The following TMPRSS9 variants were observed in gnomAD, a reference collection of about 807,000 sequenced individuals.
The protein encoded by TMPRSS9 is transmembrane serine protease 9, also known as transmembrane protease serine 9.
In TMPRSS9, 113 loss-of-function variants were observed where a neutral mutation model predicts 111.4. The observed-to-expected ratio is 1.01, with a 90% confidence interval of 0.87 to 1.19. The LOEUF (loss-of-function observed/expected upper bound fraction) is 1.19, where lower values mean the gene tolerates loss of function less well. TMPRSS9 is among the 50% of genes most tolerant of loss of function. The pLI is 0.00. For synonymous variants in TMPRSS9, 805 were observed against 659.1 expected (o/e 1.22, Z -3.39); for missense variants, 1,803 against 1,513.1 (o/e 1.19, Z -3.18).
chr19:2,405,192 CGA>C (rs926984171), intron 6 of TMPRSS9, among the ~76,000 whole-genome samples, 180 bp from the exon 8 acceptor site: 18 of 152,060 alleles, frequency 1.2e-4, no homozygotes, highest in African/African-American at 4.3e-4. Context: ...ATGGGGCAGC[CGA>C]GGAGTTGAAG....
intron 1 of TMPRSS9, among the ~76,000 whole-genome samples, chr19:2,367,561 AT>A (rs35468320): frequency 0.095 from 12,250 of 129,424 alleles, 1,307 homozygotes; most frequent in African/African-American, 0.26. Flanking sequence ...TGACTGGCTA[AT>A]TTTTTTTTTT....
chr19:2,414,167 G>A (rs1163203542), intron 10 of TMPRSS9, 149 bp downstream of exon 11: 4 of 799,112 alleles, frequency 5.0e-6, no homozygotes, highest in East Asian at 5.4e-5. Context: ...CTTACGTTGC[G>A]TGTACCCTCA....
chr19:2,419,627 C>T (rs1971418898), intron 13 of TMPRSS9, among the ~76,000 whole-genome samples: 1 of 152,044 alleles, frequency 6.6e-6, no homozygotes, highest in South Asian at 2.1e-4. Flanking sequence ...AGTGATTCTC[C>T]TGCCTCAGCC....
At chr19:2,425,568 C>CCCACCATCCGGGAG (rs1349570073) in intron 17 of TMPRSS9, 75 bp downstream of exon 18, 1 of 1,422,578 alleles carries the variant, frequency 7.0e-7, no homozygotes, top group Non-Finnish European at 9.2e-7. Context: ...TGCCACGAAG[C>CCCACCATCCGGGAG]CCACCATCCG....
At chr19:2,399,236 G>A (rs1345212534) in intron 4 of TMPRSS9, 43 bp downstream of exon 5, 1 of 1,536,422 alleles carries the variant, frequency 6.5e-7, no homozygotes, top group East Asian at 2.3e-5. Context: ...CGAGGAGGCT[G>A]GAGTGGGGCA....
intron 1 of TMPRSS9, among the ~76,000 whole-genome samples, chr19:2,379,984 T>C (rs1970374384): frequency 1.3e-5 from 2 of 151,740 alleles, no homozygotes; most frequent in Non-Finnish European, 2.9e-5. Flanking sequence ...CCCATAGTGC[T>C]CAGCCTCCCA....
intron 1 of TMPRSS9, among the ~76,000 whole-genome samples, chr19:2,384,748 G>T (rs1321641068): frequency 6.7e-6 from 1 of 150,194 alleles, no homozygotes; most frequent in African/African-American, 2.5e-5. Flanking sequence ...CTGGGAAATG[G>T]AGCTTGCAGT....
intron 7 of TMPRSS9, among the ~76,000 whole-genome samples, chr19:2,408,001 C>T (rs1971006882): frequency 1.3e-5 from 2 of 151,988 alleles, no homozygotes; most frequent in Admixed American, 6.6e-5. Flanking sequence ...CCAGGCTGGT[C>T]TTGAATTCCT....
intron 1 of TMPRSS9, among the ~76,000 whole-genome samples, chr19:2,382,131 G>C (rs1276150667): frequency 6.6e-6 from 1 of 152,174 alleles, no homozygotes; most frequent in African/African-American, 2.4e-5. Context: ...ATGAGCCACA[G>C]CACCCAGCCA....
At chr19:2,395,399 C>T (rs1970685361) in intron 1 of TMPRSS9, among the ~76,000 whole-genome samples, 1 of 152,050 alleles carries the variant, frequency 6.6e-6, no homozygotes, top group South Asian at 2.1e-4. Context: ...CACCACTGCA[C>T]TCCAGCCTGG....
At chr19:2,361,392 CG>C (rs1423691438) in intron 1 of TMPRSS9, among the ~76,000 whole-genome samples, 2 of 14,596 alleles carry the variant, frequency 1.4e-4, no homozygotes, top group Non-Finnish European at 2.7e-4. Context: ...GGGTGGGAGG[CG>C]GGGCTGGAGT....
chr19:2,424,312 C>T (rs1599321127), intron 15 of TMPRSS9, 55 bp downstream of exon 16: 2 of 1,291,714 alleles, frequency 1.5e-6, no homozygotes, highest in Non-Finnish European at 2.0e-6. Context: ...CACCCGGAAC[C>T]GAACTGTTGC....
chr19:2,379,373 G>T (rs1199657136), intron 1 of TMPRSS9, among the ~76,000 whole-genome samples: 1 of 151,828 alleles, frequency 6.6e-6, no homozygotes, highest in Non-Finnish European at 1.5e-5. Context: ...TTTTAGTAGA[G>T]ATGGGGTTTC....
chr19:2,374,285 T>TTTTTA, intron 1 of TMPRSS9, among the ~76,000 whole-genome samples: 1 of 108,488 alleles, frequency 9.2e-6, no homozygotes, highest in South Asian at 3.2e-4. Flanking sequence ...TTTTTTTTTT[T>TTTTTA]AAAGAGGTAG....
chr19:2,404,968 A>G (rs1970938052), intron 6 of TMPRSS9, among the ~76,000 whole-genome samples: 1 of 151,950 alleles, frequency 6.6e-6, no homozygotes, highest in Non-Finnish European at 1.5e-5. Context: ...TAAACTTACA[A>G]ACGTGCCATG....
chr19:2,405,376 T>C (rs1163228898), exon 7 of TMPRSS9: 3 of 1,594,126 alleles, frequency 1.9e-6, no homozygotes, highest in Non-Finnish European at 2.6e-6. Context: ...TCTTGCAGAG[T>C]GTGGCTTGCA....
At chr19:2,410,320 A>G in exon 9 of TMPRSS9, 8 of 1,614,116 alleles carry the variant, frequency 5.0e-6, no homozygotes, top group Non-Finnish European at 6.8e-6. Context: ...ACTGTGTGCC[A>G]GCTTGTACGG....
chr19:2,408,311 G>A, intron 7 of TMPRSS9, 45 bp from the exon 9 acceptor site: 6 of 1,591,358 alleles, frequency 3.8e-6, no homozygotes, highest in East Asian at 4.5e-5. Flanking sequence ...CTCCCCCGAC[G>A]GCTCTGACCC....
intron 1 of TMPRSS9, among the ~76,000 whole-genome samples, chr19:2,392,963 G>T (rs1413057517): frequency 6.6e-6 from 1 of 152,180 alleles, no homozygotes; most frequent in Non-Finnish European, 1.5e-5. Context: ...CTAAAGATTT[G>T]TAAATGCACC....
Sources: allele counts gnomAD v4.1 joint callset (sites outside exome capture counted in the v4.1 genomes callset), GRCh38; gene constraint gnomAD v4.1.1; transcripts MANE v1.5; gene names NCBI Gene and HGNC (gene_info 2026-07-23, HGNC 2026-07-21).